DPP10: variants seen among roughly 807,000 people sequenced by gnomAD.
DPP10 encodes dipeptidyl peptidase like 10.
Under a neutral mutation model 120.9 loss-of-function variants are expected in DPP10, and 33 were observed. The ratio of observed to expected loss-of-function variants is 0.27; its 90% CI spans 0.21 to 0.37. DPP10 has a LOEUF of 0.37. DPP10 is among the 10% of genes least tolerant of loss of function. DPP10 has a pLI of 1.00. For synonymous variants in DPP10, 337 were observed against 326.1 expected (o/e 1.03, Z -0.36); for missense variants, 816 against 942.8 (o/e 0.87, Z 1.76).
intron 1 of DPP10, among the ~76,000 whole-genome samples, chr2:114,494,284 C>A (rs1279760899): frequency 1.3e-5 from 2 of 152,050 alleles, no homozygotes; most frequent in Non-Finnish European, 2.9e-5. Context: ...TATTATCTTC[C>A]TCATAGTATT....
intron 1 of DPP10, among the ~76,000 whole-genome samples, chr2:115,307,662 G>A (rs930538831): frequency 6.6e-6 from 1 of 152,012 alleles, no homozygotes; most frequent in Non-Finnish European, 1.5e-5. Context: ...TACCTTCTGA[G>A]TAGCCTTGAA....
intron 16 of DPP10, 36 bp downstream of exon 16, chr2:115,781,031 T>G: frequency 6.7e-7 from 1 of 1,486,564 alleles, no homozygotes; most frequent in Non-Finnish European, 9.1e-7. Flanking sequence ...TAATATATTT[T>G]ATTCATTGTA....
chr2:114,795,208 T>G (rs900272445), intron 1 of DPP10, among the ~76,000 whole-genome samples: 8 of 152,184 alleles, frequency 5.3e-5, no homozygotes, highest in African/African-American at 1.7e-4. Context: ...TGATGAAGAC[T>G]AGCACTCTCA....
chr2:115,809,755 G>T (rs1386019291), intron 19 of DPP10, among the ~76,000 whole-genome samples: 1 of 152,178 alleles, frequency 6.6e-6, no homozygotes, highest in Non-Finnish European at 1.5e-5. Context: ...CAGGTAAGCA[G>T]CTGACAAATT....
chr2:114,462,359 T>A (rs1407745400), intron 1 of DPP10, among the ~76,000 whole-genome samples: 1 of 152,194 alleles, frequency 6.6e-6, no homozygotes, highest in Non-Finnish European at 1.5e-5. Flanking sequence ...CCTAACCTCC[T>A]GTTCCAGGAT....
intron 1 of DPP10, chr2:114,707,295 T>A (rs982331591): frequency 1.3e-5 from 2 of 151,516 alleles, no homozygotes; most frequent in African/African-American, 4.8e-5. Flanking sequence ...TACACTTAAG[T>A]GGACTCTTAT....
At chr2:114,711,065 A>G (rs1227861865) in intron 1 of DPP10, among the ~76,000 whole-genome samples, 2 of 151,668 alleles carry the variant, frequency 1.3e-5, no homozygotes, top group Non-Finnish European at 1.5e-5. Flanking sequence ...ATACACTTTC[A>G]AGGAAAGCAG....
At chr2:115,083,849 G>A (rs1213510050) in intron 1 of DPP10, among the ~76,000 whole-genome samples, 1 of 152,196 alleles carries the variant, frequency 6.6e-6, no homozygotes, top group Non-Finnish European at 1.5e-5. Flanking sequence ...CTTTAAACCT[G>A]AAATCTGTTT....
At chr2:114,760,074 A>G (rs2106095259) in intron 1 of DPP10, among the ~76,000 whole-genome samples, 1 of 152,140 alleles carries the variant, frequency 6.6e-6, no homozygotes, top group Admixed American at 6.5e-5. Flanking sequence ...TCTTCCATAA[A>G]CGCTAATCCT....
chr2:115,516,735 G>T (rs939364921), intron 4 of DPP10, among the ~76,000 whole-genome samples: 5 of 151,792 alleles, frequency 3.3e-5, no homozygotes, highest in Admixed American at 2.0e-4. Context: ...TGTAAATTAT[G>T]AAGACATAAT....
chr2:115,506,349 A>G (rs2076941563), intron 4 of DPP10, among the ~76,000 whole-genome samples: 1 of 152,182 alleles, frequency 6.6e-6, no homozygotes, highest in Admixed American at 6.6e-5. Context: ...TTATAGAGCT[A>G]GAAAGCATTT....
At chr2:115,702,088 G>A (rs1217321821) in intron 7 of DPP10, among the ~76,000 whole-genome samples, 1 of 151,922 alleles carries the variant, frequency 6.6e-6, no homozygotes, top group African/African-American at 2.4e-5. Flanking sequence ...ACACAATAGG[G>A]ACATGTATAT....
rs544927826 is a variant in DPP10 at position 114,482,111 on chromosome 2, C to G, written c.60+39273C>G. On this transcript the variant is annotated intron_variant, in intron 1 of 25. Coordinates refer to ENST00000410059, the MANE Select transcript of DPP10 (RefSeq NM_020868.6). Reference sequence around the variant, plus strand: ...CCAGTCACCTCCCACCAGGTCCCTTCCTCAATATGTGGAGATTACAATTTG... The same window carrying G: ...CCAGTCACCTCCCACCAGGTCCCTTGCTCAATATGTGGAGATTACAATTTG... Among the ~76,000 whole-genome samples, 38 of 152,210 alleles carry G rather than the reference C, an allele frequency of 2.5e-4. 1 individual carries two copies. In the South Asian group the frequency reaches 7.3e-3, roughly 29 times the overall value.
At chr2:114,785,907 G>C (rs959345972) in intron 1 of DPP10, among the ~76,000 whole-genome samples, 2 of 152,150 alleles carry the variant, frequency 1.3e-5, no homozygotes, top group African/African-American at 4.8e-5. Flanking sequence ...GGCAGCAATG[G>C]AAATGTGGAA....
intron 19 of DPP10, among the ~76,000 whole-genome samples, chr2:115,811,305 C>A (rs999543959): frequency 6.6e-6 from 1 of 152,054 alleles, no homozygotes; most frequent in Non-Finnish European, 1.5e-5. Flanking sequence ...ACATTTAAAC[C>A]TTGGAAAGAC....
chr2:114,706,764 C>G (rs1700713744), intron 1 of DPP10, among the ~76,000 whole-genome samples: 1 of 152,142 alleles, frequency 6.6e-6, no homozygotes, highest in Non-Finnish European at 1.5e-5. Context: ...CTACAGATCT[C>G]TTGGAGAAAA....
At chr2:114,986,723 A>G (rs1354042346) in intron 1 of DPP10, among the ~76,000 whole-genome samples, 1 of 152,236 alleles carries the variant, frequency 6.6e-6, no homozygotes, top group Non-Finnish European at 1.5e-5. Flanking sequence ...AGTATCTGCA[A>G]AAGGCTAACA....
chr2:114,509,810 G>A lies in DPP10; in HGVS notation c.60+66972G>A, dbSNP rs548826627. ...ATTTGGAAATGCAGAAAGATTATAA[G>A]CCAGTATGGTCCTATAAGGACTATA... On this transcript the variant is annotated intron_variant, in intron 1 of 25. Transcript: ENST00000410059. Among the ~76,000 whole-genome samples, 51 of 152,290 alleles carry A rather than the reference G, an allele frequency of 3.3e-4. No individual in the cohort carries two copies. The South Asian group carries it at 5.0e-3, about 15-fold the overall frequency.
chr2:114,906,362 C>T (rs560735950), intron 1 of DPP10, among the ~76,000 whole-genome samples: 50 of 148,068 alleles, frequency 3.4e-4, no homozygotes, highest in Middle Eastern at 3.6e-3. Flanking sequence ...CCAGCCTGGG[C>T]GACAGAGTGA....
Sources: gnomAD v4.1 joint callset for allele counts (sites outside exome capture counted in the v4.1 genomes callset) on GRCh38, gnomAD v4.1.1 for gene constraint, MANE v1.5 for transcripts, NCBI Gene and HGNC (gene_info 2026-07-23, HGNC 2026-07-21) for gene names.